Variants in MITF observed in about 807,000 individuals in gnomAD.
The protein encoded by MITF is melanocyte inducing transcription factor.
A neutral mutation model predicts 60.5 loss-of-function variants in MITF; 17 were observed. The observed-to-expected ratio is 0.28, with a 90% confidence interval of 0.19 to 0.42. The LOEUF (loss-of-function observed/expected upper bound fraction) is 0.42. Ranked by LOEUF, MITF falls within the 10% of genes least tolerant of loss-of-function variation. MITF has a pLI of 1.00. For synonymous variants in MITF, 260 were observed against 248.5 expected, an observed-to-expected ratio of 1.05 and a Z score of -0.43; for missense variants, 622 against 683.5, an observed-to-expected ratio of 0.91 and a Z score of 1.00.
intron 1 of MITF, among the ~76,000 whole-genome samples, chr3:69,864,015 G>A (rs1036920572): frequency 1.3e-5 from 2 of 151,940 alleles, no homozygotes; most frequent in African/African-American, 4.8e-5. Flanking sequence ...ATTAATACAG[G>A]ACAGGTAGCA....
At chr3:69,952,031 AC>A (rs2066267837) in intron 7 of MITF, 145 bp downstream of exon 7, 5 of 683,086 alleles carry the variant, frequency 7.3e-6, no homozygotes, top group African/African-American at 1.8e-5. Flanking sequence ...TTTGACAGAA[AC>A]CAAGGTATAT....
At chr3:69,878,571 C>T (rs1485821096) in intron 1 of MITF, among the ~76,000 whole-genome samples, 2 of 152,164 alleles carry the variant, frequency 1.3e-5, no homozygotes, top group South Asian at 2.1e-4. Context: ...TCAGTGTTAA[C>T]ATTCTGGCCC....
chr3:69,835,015 C>CTTTTTTTT (rs142347719), intron 1 of MITF, among the ~76,000 whole-genome samples: 8 of 68,538 alleles, frequency 1.2e-4, no homozygotes, highest in African/African-American at 1.6e-4. Flanking sequence ...GCTCTTTTAC[C>CTTTTTTTT]TTTTTTTTTT....
At chr3:69,899,137 T>C (rs1490185851) in intron 2 of MITF, among the ~76,000 whole-genome samples, 8 of 152,224 alleles carry the variant, frequency 5.3e-5, no homozygotes, top group Admixed American at 5.2e-4. Flanking sequence ...CTAAGTGATC[T>C]TGGAGCTGAA....
At chr3:69,953,831 A>G (rs1327050692) in intron 7 of MITF, among the ~76,000 whole-genome samples, 1 of 151,902 alleles carries the variant, frequency 6.6e-6, no homozygotes, top group Non-Finnish European at 1.5e-5. Flanking sequence ...TCTACCATGT[A>G]TTGCTGAGTA....
At chr3:69,923,438 G>A (rs937451565) in intron 2 of MITF, among the ~76,000 whole-genome samples, 3 of 152,072 alleles carry the variant, frequency 2.0e-5, no homozygotes, top group Admixed American at 1.3e-4. Flanking sequence ...TCTGCCTCCC[G>A]GGTTCAATCA....
intron 1 of MITF, among the ~76,000 whole-genome samples, chr3:69,861,535 T>TCAGGAGGCGCCAGGC (rs2064016686): frequency 6.6e-6 from 1 of 152,126 alleles, no homozygotes; most frequent in Non-Finnish European, 1.5e-5. Context: ...ATCTGCCAGG[T>TCAGGAGGCGCCAGGC]CAGGAGGCGC....
intron 1 of MITF, among the ~76,000 whole-genome samples, chr3:69,787,115 G>T: frequency 6.6e-6 from 1 of 152,196 alleles, no homozygotes; most frequent in Non-Finnish European, 1.5e-5. Flanking sequence ...TTCCACGATA[G>T]CAAAGGAGAA....
intron 1 of MITF, among the ~76,000 whole-genome samples, chr3:69,766,749 C>G (rs1013713811): frequency 3.9e-5 from 6 of 152,212 alleles, no homozygotes; most frequent in Admixed American, 3.9e-4. Flanking sequence ...GTTGCTCCCT[C>G]CTTCTGCTGC....
At chr3:69,850,029 A>G (rs180883344) in intron 1 of MITF, among the ~76,000 whole-genome samples, 3 of 152,216 alleles carry the variant, frequency 2.0e-5, no homozygotes, top group East Asian at 3.9e-4. Context: ...GCCTGTGTGA[A>G]TTTTCTCTGA....
chr3:69,908,533 T>C (rs1456862521), intron 2 of MITF, among the ~76,000 whole-genome samples: 3 of 152,222 alleles, frequency 2.0e-5, no homozygotes, highest in Non-Finnish European at 4.4e-5. Flanking sequence ...CATTATTCTT[T>C]AAATATCATA....
At chr3:69,916,297 C>G (rs780253551) in intron 2 of MITF, among the ~76,000 whole-genome samples, 4 of 152,074 alleles carry the variant, frequency 2.6e-5, no homozygotes, top group Non-Finnish European at 1.5e-5. Flanking sequence ...TCAGAGATTA[C>G]TGATAAATTT....
intron 1 of MITF, chr3:69,763,865 A>G (rs758227240): frequency 2.9e-6 from 4 of 1,375,692 alleles, no homozygotes; most frequent in East Asian, 7.0e-5. Context: ...AAAATACTTC[A>G]GTGGTTTTCC....
At chr3:69,807,109 G>T (rs1575743666) in intron 1 of MITF, among the ~76,000 whole-genome samples, 1 of 152,162 alleles carries the variant, frequency 6.6e-6, no homozygotes, top group East Asian at 1.9e-4. Context: ...CTCCAAGCAG[G>T]TATTCTGGCT....
At chr3:69,755,578 A>G (rs533856581) in intron 1 of MITF, among the ~76,000 whole-genome samples, 4 of 150,626 alleles carry the variant, frequency 2.7e-5, no homozygotes, top group Admixed American at 2.6e-4. Flanking sequence ...TTGTCACACA[A>G]TTTCTCTCCC....
intron 1 of MITF, among the ~76,000 whole-genome samples, chr3:69,875,103 G>C (rs2064323490): frequency 6.6e-6 from 1 of 152,162 alleles, no homozygotes; most frequent in African/African-American, 2.4e-5. Context: ...TTTTGGAAAA[G>C]CCCAGAGAGG....
At chr3:69,809,100 G>A (rs1022525737) in intron 1 of MITF, among the ~76,000 whole-genome samples, 1 of 152,104 alleles carries the variant, frequency 6.6e-6, no homozygotes, top group Non-Finnish European at 1.5e-5. Flanking sequence ...TTTGGAAACA[G>A]ACTCTTATGG....
chr3:69,834,609 A>C (rs966505379), intron 1 of MITF, among the ~76,000 whole-genome samples: 2 of 152,136 alleles, frequency 1.3e-5, no homozygotes, highest in Admixed American at 1.3e-4. Flanking sequence ...TATCTTGGCT[A>C]TTGTAAATAG....
chr3:69,839,794 AC>A (rs953152417), intron 1 of MITF, among the ~76,000 whole-genome samples: 1 of 152,018 alleles, frequency 6.6e-6, no homozygotes, highest in African/African-American at 2.4e-5. Context: ...TTTTTGAAAA[AC>A]GAAAACGTTC....
Sources: allele counts gnomAD v4.1 joint callset (sites outside exome capture counted in the v4.1 genomes callset), GRCh38; gene constraint gnomAD v4.1.1; transcripts MANE v1.5; gene names NCBI Gene and HGNC (gene_info 2026-07-23, HGNC 2026-07-21).